Variants in APBB2 observed in about 807,000 individuals in gnomAD.
APBB2 encodes Fe65-like 1.
Under a neutral mutation model 82.5 loss-of-function variants are expected in APBB2, and 38 were observed. The ratio of observed to expected loss-of-function variants is 0.46; its 90% CI spans 0.36 to 0.60. APBB2 has a LOEUF of 0.60. APBB2 is among the 20% of genes least tolerant of loss of function. The pLI, the probability that APBB2 is intolerant of heterozygous loss-of-function variation, is 0.00. For missense variants in APBB2, 772 were observed against 972.3 expected (o/e 0.79, Z 2.74); for synonymous variants, 341 against 368.2 (o/e 0.93, Z 0.85).
rs1457733942 is a variant in APBB2 at position 40,811,820 on chromosome 4, G to A, written c.*4272C>T. 1 of 152,168 alleles carries A rather than the reference G, an allele frequency of 6.6e-6. No individual in the cohort carries two copies. The highest frequency in any genetic ancestry group is 1.5e-5 in the Non-Finnish European group (1 of 68,012). The allele number at this position is 152,168 out of a possible 1,614,324, so 9.4% of individuals were successfully genotyped here. ...GGAAGTGCAAGATGAACAAAAAGCG[G>A]GGACATACTTTAAATTCTGTTTATC... On this transcript the variant is annotated 3_prime_UTR_variant, in exon 18 of 18. Transcript: ENST00000508593.
intron 1 of APBB2, among the ~76,000 whole-genome samples, chr4:41,166,260 G>A (rs1171643830): frequency 6.6e-6 from 1 of 152,040 alleles, no homozygotes; most frequent in African/African-American, 2.4e-5. Context: ...TTTCAGCCAG[G>A]CTTGGTAGCT....
intron 6 of APBB2, among the ~76,000 whole-genome samples, chr4:40,996,750 T>C (rs183736264): frequency 6.6e-6 from 1 of 152,320 alleles, no homozygotes; most frequent in East Asian, 1.9e-4. Context: ...TCCTTTCCTC[T>C]ACTTCCACTC....
At chr4:41,123,183 G>A (rs1753381236) in intron 2 of APBB2, among the ~76,000 whole-genome samples, 1 of 151,892 alleles carries the variant, frequency 6.6e-6, no homozygotes, top group Non-Finnish European at 1.5e-5. Context: ...CTCCTCCTAT[G>A]AGAATGTAGG....
chr4:40,966,961 G>T (rs1276211046), intron 6 of APBB2, among the ~76,000 whole-genome samples: 1 of 152,164 alleles, frequency 6.6e-6, no homozygotes, highest in Admixed American at 6.5e-5. Flanking sequence ...CATGGACCAG[G>T]GTGAGAATTT....
chr4:40,978,813 T>G (rs2154402005), intron 6 of APBB2, among the ~76,000 whole-genome samples: 1 of 152,298 alleles, frequency 6.6e-6, no homozygotes, highest in South Asian at 2.1e-4. Flanking sequence ...AGTAACTAAT[T>G]CGTATACACA....
intron 4 of APBB2, among the ~76,000 whole-genome samples, chr4:41,048,565 G>A (rs980841001): frequency 6.6e-6 from 1 of 152,124 alleles, no homozygotes; most frequent in Non-Finnish European, 1.5e-5. Flanking sequence ...AGGTGGTGAA[G>A]CTATTTTGTT....
chr4:41,041,101 C>T (rs554661371), intron 4 of APBB2, among the ~76,000 whole-genome samples: 2 of 152,174 alleles, frequency 1.3e-5, no homozygotes, highest in Admixed American at 1.3e-4. Context: ...AGGATGGTCT[C>T]GATCTCCTGA....
At chr4:40,957,647 GA>G (rs1792029711) in intron 6 of APBB2, among the ~76,000 whole-genome samples, 3 of 150,262 alleles carry the variant, frequency 2.0e-5, no homozygotes, top group Middle Eastern at 3.5e-3. Context: ...GCAATGGTGC[GA>G]TCTCGGCTCA....
At chr4:40,835,602 C>T (rs1222184757) in intron 12 of APBB2, among the ~76,000 whole-genome samples, 7 of 152,236 alleles carry the variant, frequency 4.6e-5, no homozygotes, top group Admixed American at 4.6e-4. Flanking sequence ...GGTGCCGCTG[C>T]AGGGGTGCTG....
intron 12 of APBB2, among the ~76,000 whole-genome samples, chr4:40,851,527 C>T (rs1477547091): frequency 1.3e-5 from 2 of 151,932 alleles, no homozygotes; most frequent in Non-Finnish European, 2.9e-5. Flanking sequence ...GCCAACTTGG[C>T]CCCATTGTCA....
rs2154290432 is a variant in APBB2, at chr4:40,811,195, C to T, written c.*4897G>A. On this transcript the variant is annotated 3_prime_UTR_variant, in exon 18 of 18. Coordinates refer to ENST00000508593, the MANE Select transcript of APBB2 (RefSeq NM_004307.2). Reference sequence around the variant, plus strand: ...CATTCATTAATTACACTGCAGTTTTCTTCTTTGAGAATCTTCTATGAAGGA... The same window carrying T: ...CATTCATTAATTACACTGCAGTTTTTTTCTTTGAGAATCTTCTATGAAGGA... 1 of 152,260 alleles carries T rather than the reference C, an allele frequency of 6.6e-6. No homozygotes were observed. Among genetic ancestry groups the T allele is most frequent in the African/African-American group, 2.4e-5 (1 of 41,556 alleles). The allele number at this position is 152,260 out of a possible 1,614,324, so 9.4% of individuals were successfully genotyped here. A position where few individuals can be genotyped will look rare whatever the true frequency, so the allele number is the denominator to read the frequency against.
At chr4:40,940,395 G>A (rs1449247766) in intron 7 of APBB2, among the ~76,000 whole-genome samples, 2 of 152,144 alleles carry the variant, frequency 1.3e-5, no homozygotes, top group African/African-American at 4.8e-5. Context: ...ATCCCCAGAG[G>A]TTCTCCTGGC....
At chr4:40,991,706 A>C (rs144921591) in intron 6 of APBB2, among the ~76,000 whole-genome samples, 1,615 of 152,270 alleles carry the variant, frequency 0.011, 18 homozygotes, top group South Asian at 0.037. Context: ...TAAAACAGAC[A>C]CACTTGTTAA....
chr4:40,883,784 C>G lies in APBB2; in HGVS notation c.1529+6580G>C, dbSNP rs367717050. ...CAGCAGCTACAAAGATCGCCTCGTT[C>G]CATTCTGAGTATGTTATTACTCAAA... is the stretch of plus-strand genomic sequence containing the variant. On this transcript the variant is annotated intron_variant, in intron 12 of 17. Coordinates refer to ENST00000508593, the MANE Select transcript of APBB2 (RefSeq NM_004307.2). Among the ~76,000 whole-genome samples the G allele has an allele frequency of 6.8e-4, 103 of 152,066 alleles. 2 individuals are homozygous for G. In the South Asian group the frequency reaches 0.02, roughly 29 times the overall value.
chr4:41,172,919 CAAGA>C, intron 1 of APBB2, among the ~76,000 whole-genome samples: 1 of 152,278 alleles, frequency 6.6e-6, no homozygotes, highest in East Asian at 1.9e-4. Flanking sequence ...GGTAAAACAT[CAAGA>C]AAGGAAATGC....
Position 40,957,605 on chromosome 4 carries a change from C to T in APBB2, c.836-12532G>A, listed in dbSNP as rs1024594887. 5.6e-5 allele frequency among the ~76,000 whole-genome samples: 8 copies of T among 142,210 alleles called. No individual in the cohort carries two copies. The East Asian group carries it at 1.2e-3, about 22-fold the overall frequency. The allele number at this position is 142,210 out of a possible 152,430, so 93.3% of individuals were successfully genotyped here. A position where few individuals can be genotyped will look rare whatever the true frequency, so the allele number is the denominator to read the frequency against. Reference sequence around the variant, plus strand: ...TATTCCTTTTTTTTTTTTTTTGAGGCGGAGTTTCGCTCTTGTTGCCCCGGC... The same window carrying T: ...TATTCCTTTTTTTTTTTTTTTGAGGTGGAGTTTCGCTCTTGTTGCCCCGGC... On this transcript the variant is annotated intron_variant, in intron 6 of 17. Coordinates refer to ENST00000508593, the MANE Select transcript of APBB2 (RefSeq NM_004307.2).
At chr4:40,842,360 G>A (rs770510602) in intron 12 of APBB2, 1 of 455,454 alleles carries the variant, frequency 2.2e-6, no homozygotes, top group East Asian at 7.0e-5. Context: ...AGTGAAAATC[G>A]GCCGGTTACC....
chr4:40,918,638 G>A (rs987189877), intron 10 of APBB2, among the ~76,000 whole-genome samples: 1 of 152,116 alleles, frequency 6.6e-6, no homozygotes, highest in Non-Finnish European at 1.5e-5. Context: ...AAGGAGCTAT[G>A]TTTTCCTGTA....
At chr4:41,077,171 ATTTTTTTTT>A (rs368187037) in intron 3 of APBB2, among the ~76,000 whole-genome samples, 1 of 129,968 alleles carries the variant, frequency 7.7e-6, no homozygotes, top group Non-Finnish European at 1.6e-5. Flanking sequence ...CACCCAGCTA[ATTTTTTTTT>A]TTTTTTTTTT....
Sources: gnomAD v4.1 joint callset for allele counts (sites outside exome capture counted in the v4.1 genomes callset) on GRCh38, gnomAD v4.1.1 for gene constraint, MANE v1.5 for transcripts, NCBI Gene and HGNC (gene_info 2026-07-23, HGNC 2026-07-21) for gene names.